The following MIR2052HG variants were observed in gnomAD, a reference collection of about 807,000 sequenced individuals.
MIR2052HG encodes the protein MIR2052 host gene.
intron 1 of MIR2052HG, chr8:74,604,236 GGTTTCCATGTCGAGCAGT>G: frequency 1.1e-6 from 1 of 888,662 alleles, no homozygotes; most frequent in East Asian, 2.5e-5. Flanking sequence ...CAATCACACT[GGTTTCCATGTCGAGCAGT>G]GTTCTGGGGA....
intron 5 of MIR2052HG, among the ~76,000 whole-genome samples, chr8:74,754,425 T>C (rs968316084): frequency 2.0e-5 from 3 of 152,180 alleles, no homozygotes; most frequent in Non-Finnish European, 2.9e-5. Flanking sequence ...AGTGTTTAAT[T>C]GAAATGTCTG....
chr8:74,624,884 C>T (rs982469462), intron 2 of MIR2052HG, among the ~76,000 whole-genome samples: 3 of 152,130 alleles, frequency 2.0e-5, no homozygotes, highest in African/African-American at 7.2e-5. Flanking sequence ...ATATGATTCT[C>T]TTTTTTGAGA....
intron 5 of MIR2052HG, chr8:74,752,615 C>A: frequency 2.7e-6 from 1 of 375,580 alleles, no homozygotes; most frequent in Admixed American, 3.5e-5. Context: ...CTTAGCCATT[C>A]AAGAAGCATT....
chr8:74,680,959 A>C (rs1332805930), intron 2 of MIR2052HG, among the ~76,000 whole-genome samples: 15 of 151,050 alleles, frequency 9.9e-5, no homozygotes, highest in African/African-American at 3.4e-4. Flanking sequence ...AAACTATCGC[A>C]AGAACAAAAA....
intron 2 of MIR2052HG, among the ~76,000 whole-genome samples, chr8:74,686,199 A>C (rs1404503575): frequency 1.3e-5 from 2 of 151,642 alleles, no homozygotes; most frequent in African/African-American, 4.8e-5. Context: ...CTCAAAGCTG[A>C]ATTTTATATT....
intron 1 of MIR2052HG, among the ~76,000 whole-genome samples, chr8:74,611,485 T>C (rs1308766891): frequency 1.3e-5 from 2 of 152,186 alleles, no homozygotes; most frequent in Non-Finnish European, 2.9e-5. Context: ...CCTTCCTAAA[T>C]GGCCATGTGA....
intron 2 of MIR2052HG, among the ~76,000 whole-genome samples, chr8:74,658,299 T>C (rs1255018991): frequency 6.6e-6 from 1 of 152,168 alleles, no homozygotes; most frequent in Non-Finnish European, 1.5e-5. Flanking sequence ...ATTATGTTTA[T>C]TGTCTGTCTT....
intron 2 of MIR2052HG, among the ~76,000 whole-genome samples, chr8:74,645,460 T>G (rs917095156): frequency 1.1e-4 from 16 of 152,130 alleles, no homozygotes; most frequent in Non-Finnish European, 1.8e-4. Flanking sequence ...TAATTTTGTA[T>G]TTTTAGTAGA....
chr8:74,745,193 G>T (rs544169939), intron 4 of MIR2052HG, among the ~76,000 whole-genome samples: 3 of 152,264 alleles, frequency 2.0e-5, no homozygotes, highest in Admixed American at 6.5e-5. Context: ...AGCCCAGAAA[G>T]TCGAGGCTGC....
rs116394966 is a variant in MIR2052HG, at chr8:74,611,109, T to C, written n.129-1744T>C. ...TGATAAAGGGTTTATACTTTGAACATAAAAATCTTTCAAAACTCAATAATA... is the reference window on the plus strand; with the variant it reads ...TGATAAAGGGTTTATACTTTGAACACAAAAATCTTTCAAAACTCAATAATA... On this transcript the variant is annotated intron_variant and non_coding_transcript_variant, in intron 1 of 6. Coordinates refer to ENST00000523442, the Ensembl canonical transcript of MIR2052HG. 5.8e-3 allele frequency among the ~76,000 whole-genome samples: 885 copies of C among 152,140 alleles called. 8 individuals are homozygous for C. Among genetic ancestry groups the C allele is most frequent in the African/African-American group, 0.02 (815 of 41,544 alleles).
chr8:74,723,871 A>G (rs1004851945), intron 4 of MIR2052HG, among the ~76,000 whole-genome samples: 1 of 152,216 alleles, frequency 6.6e-6, no homozygotes, highest in African/African-American at 2.4e-5. Flanking sequence ...TTGGCTCATG[A>G]GAAATCTTAT....
intron 4 of MIR2052HG, among the ~76,000 whole-genome samples, chr8:74,719,426 C>T (rs942014711): frequency 2.6e-5 from 4 of 152,166 alleles, no homozygotes; most frequent in Admixed American, 1.3e-4. Context: ...TAGCTGTGGC[C>T]TTCTCTCCCT....
intron 1 of MIR2052HG, among the ~76,000 whole-genome samples, chr8:74,600,990 C>T (rs1488711238): frequency 6.6e-6 from 1 of 152,162 alleles, no homozygotes; most frequent in African/African-American, 2.4e-5. Flanking sequence ...TGCTGCTTTA[C>T]AAAAAGCCAG....
At chr8:74,721,673 C>T (rs574152260) in intron 4 of MIR2052HG, among the ~76,000 whole-genome samples, 8 of 152,322 alleles carry the variant, frequency 5.3e-5, no homozygotes, top group African/African-American at 1.9e-4. Flanking sequence ...AGGAAAGCTG[C>T]CAGGCCTTTG....
chr8:74,655,333 G>C (rs536168865), intron 2 of MIR2052HG, among the ~76,000 whole-genome samples: 2 of 152,268 alleles, frequency 1.3e-5, no homozygotes, highest in Non-Finnish European at 2.9e-5. Flanking sequence ...TGTCTCCAGG[G>C]CATGTCATAG....
chr8:74,655,853 A>T (rs1211125276), intron 2 of MIR2052HG, among the ~76,000 whole-genome samples: 5 of 152,212 alleles, frequency 3.3e-5, no homozygotes, highest in African/African-American at 1.2e-4. Context: ...GAAAAGCCAC[A>T]GACACTCAAC....
chr8:74,724,725 A>G (rs974072269), intron 4 of MIR2052HG, among the ~76,000 whole-genome samples: 11 of 152,302 alleles, frequency 7.2e-5, no homozygotes, highest in Non-Finnish European at 1.5e-4. Flanking sequence ...TGCCTTTGTG[A>G]GTTCTTGCCT....
At chr8:74,752,254 C>T (rs1396899802) in intron 4 of MIR2052HG, among the ~76,000 whole-genome samples, 1 of 147,540 alleles carries the variant, frequency 6.8e-6, no homozygotes, top group Non-Finnish European at 1.5e-5. Flanking sequence ...TTTATTCCAG[C>T]CTGGGTGACA....
intron 2 of MIR2052HG, among the ~76,000 whole-genome samples, chr8:74,700,886 T>C (rs6472872): frequency 0.019 from 2,913 of 152,274 alleles, 86 homozygotes; most frequent in African/African-American, 0.066. Flanking sequence ...TATTGATGTT[T>C]TCTTCTATGC....
Sources: allele counts gnomAD v4.1 joint callset (sites outside exome capture counted in the v4.1 genomes callset), GRCh38; gene constraint gnomAD v4.1.1; transcripts MANE v1.5; gene names NCBI Gene and HGNC (gene_info 2026-07-23, HGNC 2026-07-21).